Variants in SETDB2 observed in about 807,000 individuals in gnomAD.
SETDB2 encodes SET domain bifurcated histone lysine methyltransferase 2.
A neutral mutation model predicts 82.5 loss-of-function variants in SETDB2; 56 were observed. The ratio of observed to expected loss-of-function variants is 0.68; its 90% CI spans 0.55 to 0.85. The LOEUF (loss-of-function observed/expected upper bound fraction) is 0.85, where lower values mean the gene tolerates loss of function less well. Ranked by LOEUF, SETDB2 falls within the 40% of genes least tolerant of loss-of-function variation. SETDB2 has a pLI of 0.00. For synonymous variants in SETDB2, 272 were observed against 284.9 expected (o/e 0.95, Z 0.46); for missense variants, 677 against 816.4 (o/e 0.83, Z 2.08).
At chr13:49,450,334 C>G (rs1957763606) in intron 1 of SETDB2, among the ~76,000 whole-genome samples, 1 of 152,160 alleles carries the variant, frequency 6.6e-6, no homozygotes, top group Non-Finnish European at 1.5e-5. Flanking sequence ...AGTCTTCCAG[C>G]TTACTAACTG....
intron 7 of SETDB2, 32 bp downstream of exon 7, chr13:49,480,367 T>C (rs990981513): frequency 7.4e-7 from 1 of 1,344,730 alleles, no homozygotes; most frequent in African/African-American, 1.5e-5. Flanking sequence ...TTGCAGGGTG[T>C]GTATATCTTT....
At chr13:49,482,702 T>C (rs771872852) in intron 8 of SETDB2, 35 bp from the exon 9 acceptor site, 2 of 1,347,302 alleles carry the variant, frequency 1.5e-6, no homozygotes, top group Admixed American at 3.6e-5. Context: ...AATTATCTTC[T>C]GTGTTGTTCA....
Position 49,492,679 on chromosome 13 carries a change from C to T in SETDB2, c.*830C>T, listed in dbSNP as rs1393037857. ...ATTTCACTTAAAAAACACAAGAAGT[C>T]CAGGTATGGTGGCTCAGACCTGTAA... On this transcript the variant is annotated 3_prime_UTR_variant, in exon 14 of 14. Coordinates refer to ENST00000611815, the MANE Select transcript of SETDB2 (RefSeq NM_001160308.3). The T allele has an allele frequency of 6.6e-6, 1 of 152,192 alleles. No homozygotes were observed. The highest frequency in any genetic ancestry group is 2.4e-5 in the African/African-American group (1 of 41,428). The allele number at this position is 152,192 out of a possible 1,614,324, so 9.4% of individuals were successfully genotyped here.
chr13:49,448,224 A>G (rs969114481), intron 1 of SETDB2, among the ~76,000 whole-genome samples: 4 of 152,092 alleles, frequency 2.6e-5, no homozygotes, highest in African/African-American at 9.7e-5. Context: ...GGTAATTTAT[A>G]TTTTCCTAGA....
rs1450086026 is a variant in SETDB2 at position 49,482,736 on chromosome 13, G to A, written c.1157-1G>A. On this transcript the variant is annotated splice_acceptor_variant, in intron 8 of 13. Coordinates refer to ENST00000611815, the MANE Select transcript of SETDB2 (RefSeq NM_001160308.3). LOFTEE classifies it high-confidence loss of function. Reference sequence around the variant, plus strand: ...CAAACTCTTTAACATTTTCCTTTTAGGAAGATTACTAAGCAGAGCTAACAC... The same window carrying A: ...CAAACTCTTTAACATTTTCCTTTTAAGAAGATTACTAAGCAGAGCTAACAC... 6.3e-7 allele frequency: 1 copy of A among 1,593,722 alleles called. No homozygotes were observed. The highest frequency in any genetic ancestry group is 8.6e-7 in the Non-Finnish European group (1 of 1,165,520).
intron 12 of SETDB2, 125 bp downstream of exon 12, chr13:49,488,755 C>A: frequency 4.1e-6 from 3 of 723,570 alleles, no homozygotes; most frequent in Non-Finnish European, 4.4e-6. Flanking sequence ...CAGTCCTCCA[C>A]TTGTATACAG....
chr13:49,461,052 C>G, intron 3 of SETDB2, 45 bp from the exon 4 acceptor site: 4 of 1,430,752 alleles, frequency 2.8e-6, no homozygotes, highest in Non-Finnish European at 3.9e-6. Flanking sequence ...GTAGCTGGCA[C>G]CATAAATAAA....
At chr13:49,486,412 C>T (rs888040640) in intron 11 of SETDB2, among the ~76,000 whole-genome samples, 8 of 152,208 alleles carry the variant, frequency 5.3e-5, no homozygotes, top group Admixed American at 2.6e-4. Context: ...GAGACCACCA[C>T]ATGGCCAGCA....
rs1242430825 is a variant in SETDB2 at position 49,494,697 on chromosome 13, C to G, written c.*2848C>G. 11 of 152,286 alleles carry G rather than the reference C, an allele frequency of 7.2e-5. No individual in the cohort carries two copies. Among genetic ancestry groups the G allele is most frequent in the Non-Finnish European group, 5.9e-5 (4 of 68,014 alleles). The allele number at this position is 152,286 out of a possible 1,614,324, so 9.4% of individuals were successfully genotyped here. A position where few individuals can be genotyped will look rare whatever the true frequency, so the allele number is the denominator to read the frequency against. On this transcript the variant is annotated 3_prime_UTR_variant, in exon 14 of 14. Coordinates refer to ENST00000611815, the MANE Select transcript of SETDB2 (RefSeq NM_001160308.3). The stretch of plus-strand genomic sequence containing the variant: ...TCTGTCTGCTCACTTCCCTGTTTTG[C>G]AGACCCCACACTCTTCTGCAATTCA...
chr13:49,473,230 C>A (rs979664000), intron 5 of SETDB2, among the ~76,000 whole-genome samples: 1 of 152,008 alleles, frequency 6.6e-6, no homozygotes, highest in Non-Finnish European at 1.5e-5. Flanking sequence ...TCCCCTTCCT[C>A]CAAAGAGCAA....
chr13:49,477,724 G>A (rs1341334056), intron 6 of SETDB2, among the ~76,000 whole-genome samples: 1 of 152,198 alleles, frequency 6.6e-6, no homozygotes, highest in African/African-American at 2.4e-5. Context: ...TATACATGAG[G>A]AAGTTGAGCC....
At chr13:49,486,845 T>A (rs990763822) in intron 11 of SETDB2, among the ~76,000 whole-genome samples, 4 of 152,164 alleles carry the variant, frequency 2.6e-5, no homozygotes, top group Non-Finnish European at 4.4e-5. Context: ...GATATCCGTT[T>A]GTGAAGAATT....
chr13:49,462,362 A>G (rs1167319422), intron 4 of SETDB2, among the ~76,000 whole-genome samples: 1 of 152,176 alleles, frequency 6.6e-6, no homozygotes, highest in East Asian at 1.9e-4. Context: ...AGCATACAAA[A>G]GACACTCTTA....
intron 2 of SETDB2, among the ~76,000 whole-genome samples, chr13:49,457,072 G>A (rs1010777906): frequency 6.6e-6 from 1 of 151,038 alleles, no homozygotes; most frequent in African/African-American, 2.4e-5. Context: ...TTGGCTTTGT[G>A]TTTTTAAATT....
At chr13:49,485,093 A>T (rs1389875975) in intron 10 of SETDB2, among the ~76,000 whole-genome samples, 1 of 152,226 alleles carries the variant, frequency 6.6e-6, no homozygotes. Context: ...CATAGTAATA[A>T]TATGGTCAAT....
chr13:49,479,067 G>C (rs969597504), intron 6 of SETDB2, among the ~76,000 whole-genome samples: 13 of 152,094 alleles, frequency 8.5e-5, no homozygotes, highest in Non-Finnish European at 1.5e-4. Context: ...GCAAGTTATA[G>C]AATAATACCT....
Position 49,483,470 on chromosome 13 carries a change from G to T in SETDB2, c.1389G>T (p.Thr463=). 1 of 1,343,798 alleles carries T rather than the reference G, an allele frequency of 7.4e-7. No individual in the cohort carries two copies. Among genetic ancestry groups the T allele is most frequent in the South Asian group, 1.4e-5 (1 of 69,600 alleles). The allele number at this position is 1,343,798 out of a possible 1,614,324, so 83.2% of individuals were successfully genotyped here. A position where few individuals can be genotyped will look rare whatever the true frequency, so the allele number is the denominator to read the frequency against. The change falls in exon 10 of 14, where the codon ACG becomes ACT. Residue 463 remains threonine, a synonymous_variant. Coordinates refer to ENST00000611815, the MANE Select transcript of SETDB2 (RefSeq NM_001160308.3). ...ACTTTTTTTTCCTTTTTAGGGAAAC[G>T]AAATATGATAATATTTCAAGAATTC... ...SNNPKELTVE[T]KYDNISRIQY...
intron 4 of SETDB2, among the ~76,000 whole-genome samples, chr13:49,466,638 G>A (rs1232885646): frequency 6.6e-6 from 1 of 151,850 alleles, no homozygotes; most frequent in Non-Finnish European, 1.5e-5. Flanking sequence ...TCAACTATCA[G>A]ACTTTTATTT....
intron 1 of SETDB2, among the ~76,000 whole-genome samples, chr13:49,450,443 T>C (rs1957765088): frequency 6.6e-6 from 1 of 152,148 alleles, no homozygotes; most frequent in Non-Finnish European, 1.5e-5. Context: ...TTTTTCAAAA[T>C]TGTGTGTTAT....
Sources: allele counts gnomAD v4.1 joint callset (sites outside exome capture counted in the v4.1 genomes callset), GRCh38; gene constraint gnomAD v4.1.1; transcripts MANE v1.5; gene names NCBI Gene and HGNC (gene_info 2026-07-23, HGNC 2026-07-21).